Variants in LHPP observed in about 807,000 individuals in gnomAD.
LHPP encodes hLHPP.
LHPP carries 24 observed loss-of-function variants against 30.3 expected under a neutral mutation model. The ratio of observed to expected loss-of-function variants is 0.79; its 90% CI spans 0.57 to 1.11. LHPP has a LOEUF of 1.11. Ranked by LOEUF, LHPP falls within the 50% of genes most tolerant of loss-of-function variation. The pLI, the probability that LHPP is intolerant of heterozygous loss-of-function variation, is 0.00. For synonymous variants in LHPP, 150 were observed against 157.1 expected (o/e 0.95, Z 0.34); for missense variants, 356 against 367.2 (o/e 0.97, Z 0.25).
chr10:124,565,924 CAG>C (rs1306763426), intron 6 of LHPP, among the ~76,000 whole-genome samples: 1 of 152,240 alleles, frequency 6.6e-6, no homozygotes, highest in African/African-American at 2.4e-5. Flanking sequence ...TTGACACCCT[CAG>C]AAACTGGAGA....
At chr10:124,506,969 TAGACA>T (rs1954114414) in intron 5 of LHPP, among the ~76,000 whole-genome samples, 1 of 9,206 alleles carries the variant, frequency 1.1e-4, no homozygotes, top group Non-Finnish European at 2.0e-4. Flanking sequence ...GGTGGGCGGG[TAGACA>T]GGATTTCAGG....
rs546267743 is a variant in LHPP, at chr10:124,498,039, G to A, written c.535G>A (p.Ala179Thr). 2 of 1,613,580 alleles carry A rather than the reference G, an allele frequency of 1.2e-6. No homozygotes were observed. Among genetic ancestry groups the A allele is most frequent in the East Asian group, 2.2e-5 (1 of 44,892 alleles). Residue 179 changes from alanine to threonine, a missense_variant, in exon 5 of 7, where the codon GCC becomes ACC. Transcript: ENST00000368842. ...ATGTCCCTCTCTCTTTTCCCAGTAT[G>A]CCTGTGGCATCAAAGCCGAGGTGGT... ...VGPYMKALEY[A>T]CGIKAEVVGK...
At chr10:124,497,738 C>T (rs1953768573) in intron 4 of LHPP, among the ~76,000 whole-genome samples, 2 of 152,196 alleles carry the variant, frequency 1.3e-5, no homozygotes, top group African/African-American at 4.8e-5. Context: ...GTGAGCAGAG[C>T]ACTGCTCTGC....
chr10:124,611,508 G>A (rs1318688729), intron 6 of LHPP, among the ~76,000 whole-genome samples: 2 of 151,894 alleles, frequency 1.3e-5, no homozygotes, highest in Non-Finnish European at 2.9e-5. Context: ...AAGTGGGGGC[G>A]CTGGAGGGGC....
chr10:124,540,911 G>A (rs555743466), intron 6 of LHPP, among the ~76,000 whole-genome samples: 1 of 152,120 alleles, frequency 6.6e-6, no homozygotes, highest in African/African-American at 2.4e-5. Context: ...TGCCTTTAGG[G>A]GCTCAAGAAA....
chr10:124,531,259 C>T (rs1198216368), intron 6 of LHPP, among the ~76,000 whole-genome samples: 3 of 152,214 alleles, frequency 2.0e-5, no homozygotes, highest in Non-Finnish European at 4.4e-5. Flanking sequence ...GTGCTAATCC[C>T]GTGCAAGCTG....
chr10:124,513,684 G>C (rs557642922), intron 5 of LHPP, among the ~76,000 whole-genome samples: 3 of 150,170 alleles, frequency 2.0e-5, no homozygotes, highest in African/African-American at 7.3e-5. Flanking sequence ...TCGAACTCCT[G>C]ACCTCAAGTG....
Position 124,476,108 on chromosome 10 carries a change from G to A in LHPP, c.126-8031G>A, listed in dbSNP as rs1589763619. Among the ~76,000 whole-genome samples, 4 of 152,050 alleles carry A rather than the reference G, an allele frequency of 2.6e-5. No homozygotes were observed. The South Asian group carries it at 8.3e-4, about 32-fold the overall frequency. ...GCGCAGGTACGGGAGGGTGTGCTGC[G>A]TGTTTTATAAGTGCCCTAGCTGGGG... On this transcript the variant is annotated intron_variant, in intron 1 of 6. Coordinates refer to ENST00000368842, the MANE Select transcript of LHPP (RefSeq NM_022126.4).
chr10:124,485,910 A>G (rs1046429565), intron 2 of LHPP, among the ~76,000 whole-genome samples: 3 of 152,094 alleles, frequency 2.0e-5, no homozygotes, highest in Non-Finnish European at 2.9e-5. Flanking sequence ...CTTACTTGGC[A>G]TAGTTTTATA....
At chr10:124,513,520 A>G (rs1439410577) in intron 5 of LHPP, among the ~76,000 whole-genome samples, 3 of 119,172 alleles carry the variant, frequency 2.5e-5, no homozygotes, top group African/African-American at 1.0e-4. Context: ...GCTGGAGTTC[A>G]GTGGCACAAT....
intron 5 of LHPP, among the ~76,000 whole-genome samples, chr10:124,501,348 C>G (rs1953891188): frequency 6.6e-6 from 1 of 151,542 alleles, no homozygotes; most frequent in African/African-American, 2.4e-5. Context: ...ACACCTGTAA[C>G]CACAGCACTT....
chr10:124,575,333 A>C (rs10901767), intron 6 of LHPP, among the ~76,000 whole-genome samples: 39,808 of 151,920 alleles, frequency 0.26, 5,867 homozygotes, highest in African/African-American at 0.38. Context: ...CGACAAAACC[A>C]AGCTGTCCGC....
chr10:124,530,102 C>T (rs1314894986), intron 6 of LHPP, among the ~76,000 whole-genome samples: 1 of 152,156 alleles, frequency 6.6e-6, no homozygotes, highest in Non-Finnish European at 1.5e-5. Flanking sequence ...AGGGAGGAAC[C>T]TGGTGAAGCC....
intron 6 of LHPP, among the ~76,000 whole-genome samples, chr10:124,599,993 C>A (rs1198752318): frequency 6.6e-6 from 1 of 152,086 alleles, no homozygotes; most frequent in Non-Finnish European, 1.5e-5. Flanking sequence ...TGAGTTGGGG[C>A]TTTTGCGGAG....
intron 6 of LHPP, among the ~76,000 whole-genome samples, chr10:124,586,754 G>A (rs533313221): frequency 6.7e-6 from 1 of 148,900 alleles, no homozygotes; most frequent in African/African-American, 2.5e-5. Flanking sequence ...CTCTTTGTAC[G>A]ATCAGTTTTA....
chr10:124,599,092 C>T (rs1369650394), intron 6 of LHPP, among the ~76,000 whole-genome samples: 8 of 151,076 alleles, frequency 5.3e-5, no homozygotes, highest in African/African-American at 9.7e-5. Flanking sequence ...CAGTGCCTGC[C>T]GTCCACCCTT....
chr10:124,582,566 G>A (rs942463924), intron 6 of LHPP, among the ~76,000 whole-genome samples: 3 of 152,098 alleles, frequency 2.0e-5, no homozygotes, highest in African/African-American at 7.2e-5. Flanking sequence ...ATATACCTTT[G>A]ACTTCCCCAA....
chr10:124,532,888 G>A (rs1210761128), intron 6 of LHPP, among the ~76,000 whole-genome samples: 1 of 152,220 alleles, frequency 6.6e-6, no homozygotes, highest in Non-Finnish European at 1.5e-5. Flanking sequence ...GGCATTCTGG[G>A]ATGTTCAGGT....
chr10:124,472,622 G>A (rs1267472455), intron 1 of LHPP, among the ~76,000 whole-genome samples: 5 of 151,246 alleles, frequency 3.3e-5, no homozygotes, highest in Admixed American at 6.6e-5. Context: ...GCAGTGGTGC[G>A]ATCTCAGCTC....
Sources: gnomAD v4.1 joint callset for allele counts (sites outside exome capture counted in the v4.1 genomes callset) on GRCh38, gnomAD v4.1.1 for gene constraint, MANE v1.5 for transcripts, NCBI Gene and HGNC (gene_info 2026-07-23, HGNC 2026-07-21) for gene names.